Variants in CDKAL1 observed in about 807,000 individuals in gnomAD.
CDKAL1 encodes the protein threonylcarbamoyladenosine tRNA methylthiotransferase.
In CDKAL1, 32 loss-of-function variants were observed where a neutral mutation model predicts 68.2. The ratio of observed to expected loss-of-function variants is 0.47; its 90% CI spans 0.35 to 0.63. The LOEUF (loss-of-function observed/expected upper bound fraction) is 0.63, where lower values mean the gene tolerates loss of function less well. Ranked by LOEUF, CDKAL1 falls within the 30% of genes least tolerant of loss-of-function variation. CDKAL1 has a pLI of 0.00. For synonymous variants in CDKAL1, 234 were observed against 244.3 expected, an observed-to-expected ratio of 0.96 and a Z score of 0.39; for missense variants, 606 against 696.7, an observed-to-expected ratio of 0.87 and a Z score of 1.47.
At chr6:20,691,602 C>T (rs1770873003) in intron 5 of CDKAL1, among the ~76,000 whole-genome samples, 1 of 152,014 alleles carries the variant, frequency 6.6e-6, no homozygotes, top group Non-Finnish European at 1.5e-5. Flanking sequence ...CGTGTATCCT[C>T]TCAGGGAGGT....
chr6:20,776,016 T>C (rs754502467), intron 7 of CDKAL1, among the ~76,000 whole-genome samples: 3 of 152,052 alleles, frequency 2.0e-5, no homozygotes, highest in South Asian at 4.1e-4. Flanking sequence ...AAAAACAGAC[T>C]ATTGTTAGGT....
chr6:21,005,139 C>T (rs1767654655), intron 11 of CDKAL1, among the ~76,000 whole-genome samples: 1 of 151,754 alleles, frequency 6.6e-6, no homozygotes, highest in African/African-American at 2.4e-5. Context: ...GAGTTACTTC[C>T]CAATTCAATG....
intron 5 of CDKAL1, among the ~76,000 whole-genome samples, chr6:20,655,199 T>A (rs1768967462): frequency 1.3e-5 from 2 of 152,246 alleles, no homozygotes; most frequent in South Asian, 4.1e-4. Flanking sequence ...TTATACTACT[T>A]TAAATGGTAA....
chr6:20,732,263 CTTTTTTTTTTT>C (rs56911987), intron 5 of CDKAL1, among the ~76,000 whole-genome samples: 8 of 83,488 alleles, frequency 9.6e-5, no homozygotes, highest in East Asian at 8.4e-4. Context: ...TTCTTTCTTT[CTTTTTTTTTTT>C]TTTTTTTTTT....
At chr6:21,011,240 C>T (rs141871325) in intron 11 of CDKAL1, among the ~76,000 whole-genome samples, 17 of 133,028 alleles carry the variant, frequency 1.3e-4, no homozygotes, top group Admixed American at 1.5e-4. Flanking sequence ...AAAAATTAGC[C>T]GGGCGCGGTG....
At chr6:20,617,428 T>TA (rs908887454) in intron 4 of CDKAL1, among the ~76,000 whole-genome samples, 4 of 152,162 alleles carry the variant, frequency 2.6e-5, no homozygotes, top group East Asian at 1.9e-4. Context: ...TATTTTTTTT[T>TA]AAATTTTACT....
intron 10 of CDKAL1, among the ~76,000 whole-genome samples, chr6:20,969,117 G>A (rs1176550327): frequency 6.6e-6 from 1 of 152,056 alleles, no homozygotes; most frequent in Non-Finnish European, 1.5e-5. Context: ...TTATAGTTCA[G>A]ACCTTTGAAC....
chr6:21,054,534 A>T (rs981113242), intron 11 of CDKAL1, among the ~76,000 whole-genome samples: 2 of 152,212 alleles, frequency 1.3e-5, no homozygotes, highest in African/African-American at 2.4e-5. Flanking sequence ...CTATAAATCA[A>T]TTTGGAGAGG....
chr6:20,785,496 A>G (rs1488528914), intron 8 of CDKAL1, among the ~76,000 whole-genome samples: 1 of 151,786 alleles, frequency 6.6e-6, no homozygotes, highest in Non-Finnish European at 1.5e-5. Context: ...TTGTTTTAGT[A>G]GAGATGGGGT....
At chr6:20,794,956 G>A (rs1397273549) in intron 8 of CDKAL1, among the ~76,000 whole-genome samples, 1 of 152,156 alleles carries the variant, frequency 6.6e-6, no homozygotes, top group Admixed American at 6.5e-5. Flanking sequence ...GACCAATACT[G>A]TTTGGTGGAT....
intron 5 of CDKAL1, among the ~76,000 whole-genome samples, chr6:20,653,063 A>G (rs551554970): frequency 6.6e-6 from 1 of 152,300 alleles, no homozygotes; most frequent in African/African-American, 2.4e-5. Flanking sequence ...TTTGAGATTT[A>G]TTCATGTTAA....
chr6:20,858,787 T>C (rs560717058), intron 9 of CDKAL1, among the ~76,000 whole-genome samples: 2 of 152,140 alleles, frequency 1.3e-5, no homozygotes, highest in African/African-American at 4.8e-5. Flanking sequence ...TGTTGATTTT[T>C]AAGAAATGTA....
At chr6:21,072,237 C>T (rs1282580088) in intron 12 of CDKAL1, among the ~76,000 whole-genome samples, 2 of 152,180 alleles carry the variant, frequency 1.3e-5, no homozygotes, top group Non-Finnish European at 2.9e-5. Flanking sequence ...CTCCCAGGCA[C>T]TACTTAACAT....
intron 9 of CDKAL1, among the ~76,000 whole-genome samples, chr6:20,925,239 T>C (rs1480204629): frequency 6.6e-6 from 1 of 152,214 alleles, no homozygotes; most frequent in East Asian, 1.9e-4. Flanking sequence ...TAAAGTATTT[T>C]AAAATCAAGG....
intron 5 of CDKAL1, among the ~76,000 whole-genome samples, chr6:20,687,700 A>G (rs1046330622): frequency 6.6e-6 from 1 of 151,754 alleles, no homozygotes; most frequent in Non-Finnish European, 1.5e-5. Context: ...TAATTTTTCT[A>G]TTTTTGGTAG....
chr6:20,769,589 G>T (rs535910539), intron 7 of CDKAL1, among the ~76,000 whole-genome samples: 1 of 152,018 alleles, frequency 6.6e-6, no homozygotes, highest in South Asian at 2.1e-4. Flanking sequence ...TATTTGTGAC[G>T]TACTTCCTAG....
At chr6:20,849,312 C>T (rs535141262) in intron 9 of CDKAL1, among the ~76,000 whole-genome samples, 35 of 151,628 alleles carry the variant, frequency 2.3e-4, no homozygotes, top group African/African-American at 8.0e-4. Flanking sequence ...GACCAGGTGC[C>T]GTGGCTCACG....
chr6:20,920,388 G>T (rs1385351198), intron 9 of CDKAL1, among the ~76,000 whole-genome samples: 1 of 152,168 alleles, frequency 6.6e-6, no homozygotes, highest in African/African-American at 2.4e-5. Flanking sequence ...GATGAGACGA[G>T]GATAGGGATC....
intron 4 of CDKAL1, among the ~76,000 whole-genome samples, chr6:20,620,989 T>G (rs1767167226): frequency 6.6e-6 from 1 of 152,132 alleles, no homozygotes; most frequent in Non-Finnish European, 1.5e-5. Context: ...CATATTACAT[T>G]TACTTGTCAT....
Sources: allele counts gnomAD v4.1 joint callset (sites outside exome capture counted in the v4.1 genomes callset), GRCh38; gene constraint gnomAD v4.1.1; transcripts MANE v1.5; gene names NCBI Gene and HGNC (gene_info 2026-07-23, HGNC 2026-07-21).